Variants in CDH18 observed in about 807,000 individuals in gnomAD.
CDH18 encodes the protein cadherin 18.
CDH18 carries 31 observed loss-of-function variants against 67.9 expected under a neutral mutation model. That is an observed-to-expected ratio of 0.46 (90% CI 0.34 to 0.62). CDH18 has a LOEUF of 0.62. Among genes scored for constraint, CDH18 ranks in the 20% least tolerant of loss-of-function variants. The pLI is 0.01. For synonymous variants in CDH18, 362 were observed against 347.2 expected (o/e 1.04, Z -0.48); for missense variants, 890 against 975.5 (o/e 0.91, Z 1.17).
intron 10 of CDH18, among the ~76,000 whole-genome samples, chr5:19,512,840 A>G (rs923124583): frequency 6.6e-6 from 1 of 152,008 alleles, no homozygotes; most frequent in Admixed American, 6.6e-5. Context: ...TATTATATCT[A>G]TGATCGTGCA....
At chr5:20,470,139 A>T (rs2150237363) in intron 1 of CDH18, among the ~76,000 whole-genome samples, 1 of 152,274 alleles carries the variant, frequency 6.6e-6, no homozygotes, top group South Asian at 2.1e-4. Flanking sequence ...TGGGAAGTGC[A>T]TGTATTGATC....
At chr5:19,785,270 T>G (rs1413026308) in intron 3 of CDH18, among the ~76,000 whole-genome samples, 2 of 152,118 alleles carry the variant, frequency 1.3e-5, no homozygotes, top group Admixed American at 6.6e-5. Context: ...CTTTCAGGAC[T>G]GATCCATCAC....
At chr5:20,172,234 A>ACG (rs1736872759) in intron 2 of CDH18, among the ~76,000 whole-genome samples, 2 of 126,216 alleles carry the variant, frequency 1.6e-5, no homozygotes, top group South Asian at 2.4e-4. Flanking sequence ...GTATATATAT[A>ACG]TATATGTATA....
At chr5:20,167,766 T>C (rs1736405200) in intron 2 of CDH18, among the ~76,000 whole-genome samples, 1 of 152,130 alleles carries the variant, frequency 6.6e-6, no homozygotes, top group Non-Finnish European at 1.5e-5. Flanking sequence ...TAGAGTAGGA[T>C]ACATCAGTTA....
chr5:19,638,263 T>C (rs1753453118), intron 5 of CDH18, among the ~76,000 whole-genome samples: 1 of 152,232 alleles, frequency 6.6e-6, no homozygotes, highest in Non-Finnish European at 1.5e-5. Flanking sequence ...ACAGTGAGAC[T>C]ATAACTATCA....
At chr5:20,418,725 G>T (rs1747561751) in intron 1 of CDH18, among the ~76,000 whole-genome samples, 1 of 151,994 alleles carries the variant, frequency 6.6e-6, no homozygotes, top group African/African-American at 2.4e-5. Flanking sequence ...CGTATAAAAA[G>T]GGGTATTTGT....
chr5:20,084,387 A>G (rs1193601337), intron 2 of CDH18, among the ~76,000 whole-genome samples: 1 of 152,190 alleles, frequency 6.6e-6, no homozygotes, highest in Non-Finnish European at 1.5e-5. Flanking sequence ...TTTGCAGGGT[A>G]CAGCCTCTCT....
intron 4 of CDH18, among the ~76,000 whole-genome samples, chr5:19,734,429 T>C (rs775448198): frequency 6.6e-6 from 1 of 152,244 alleles, no homozygotes; most frequent in Non-Finnish European, 1.5e-5. Flanking sequence ...CCCTGTGATA[T>C]GGACGTTTTG....
chr5:20,452,337 G>A (rs1750512391), intron 1 of CDH18, among the ~76,000 whole-genome samples: 1 of 152,072 alleles, frequency 6.6e-6, no homozygotes, highest in Admixed American at 6.6e-5. Flanking sequence ...CTCATTAGAT[G>A]AGATGAGACT....
intron 2 of CDH18, among the ~76,000 whole-genome samples, chr5:20,012,644 C>A (rs542404722): frequency 6.6e-6 from 1 of 152,150 alleles, no homozygotes; most frequent in South Asian, 2.1e-4. Flanking sequence ...AATGGAAAAA[C>A]ATTCCATGAT....
At chr5:20,372,921 G>A (rs1472097964) in intron 1 of CDH18, among the ~76,000 whole-genome samples, 1 of 152,080 alleles carries the variant, frequency 6.6e-6, no homozygotes, top group African/African-American at 2.4e-5. Flanking sequence ...GAGATTTGGG[G>A]AAAGAAACTT....
intron 1 of CDH18, among the ~76,000 whole-genome samples, chr5:20,503,523 A>G (rs1754465311): frequency 6.6e-6 from 1 of 152,160 alleles, no homozygotes; most frequent in African/African-American, 2.4e-5. Flanking sequence ...CAAAGATAAA[A>G]CTTTTTAAAC....
intron 2 of CDH18, among the ~76,000 whole-genome samples, chr5:19,918,990 G>A (rs746164237): frequency 1.3e-5 from 2 of 152,042 alleles, no homozygotes; most frequent in Non-Finnish European, 1.5e-5. Flanking sequence ...AGATTAGAAC[G>A]TTCAGCCCCA....
chr5:20,128,637 T>G (rs748120643), intron 2 of CDH18, among the ~76,000 whole-genome samples: 2 of 152,142 alleles, frequency 1.3e-5, no homozygotes, highest in Non-Finnish European at 2.9e-5. Context: ...CAGGAACAGT[T>G]GAGTTTGTCA....
intron 1 of CDH18, among the ~76,000 whole-genome samples, chr5:20,511,465 G>GA (rs571702527): frequency 4.3e-4 from 65 of 151,766 alleles, no homozygotes; most frequent in African/African-American, 1.4e-3. Context: ...AATACTGGGA[G>GA]AAAAAAAAGT....
chr5:20,538,898 G>T lies in CDH18; in HGVS notation c.-580+36564C>A, dbSNP rs1448629284. Among the ~76,000 whole-genome samples the T allele has an allele frequency of 3.5e-3, 371 of 106,638 alleles. 7 individuals are homozygous for T. The highest frequency in any genetic ancestry group is 4.9e-3 in the Non-Finnish European group (271 of 55,096). The allele number at this position is 106,638 out of a possible 152,430, so 70.0% of individuals were successfully genotyped here. On this transcript the variant is annotated intron_variant, in intron 1 of 14. Transcript: ENST00000507958. ...TGGATATACATCCACATAGCCAACT[G>T]TTTTTTTTTTGTTTTTTTTTTTTTT...
chr5:20,404,234 A>G (rs1026757757), intron 1 of CDH18, among the ~76,000 whole-genome samples: 5 of 152,168 alleles, frequency 3.3e-5, no homozygotes, highest in African/African-American at 1.2e-4. Flanking sequence ...AACTTTCTTC[A>G]TATCAGCAAT....
intron 1 of CDH18, among the ~76,000 whole-genome samples, chr5:20,423,781 T>C (rs966474862): frequency 6.7e-6 from 1 of 149,328 alleles, no homozygotes; most frequent in Non-Finnish European, 1.5e-5. Context: ...ACGTCTCTAC[T>C]AAAAATACAA....
chr5:19,503,010 T>C lies in CDH18; in HGVS notation c.1612A>G (p.Thr538Ala), dbSNP rs762489629. ...TGTTCACCTTCATTGTCCTTCAGAG[T>C]GAAGTTTGGATTTACAGGCAGGCGT... ...DERLPVNPNF[T>A]LKDNEDNTAS... Residue 538 changes from threonine to alanine, a missense_variant, in exon 11 of 13, where the codon ACT (threonine) becomes GCT (alanine). This residue lies in a region of CDH18 where 656 missense variants were observed against 668.1 expected (regional missense o/e 0.98). Transcript: ENST00000382275. The C allele has an allele frequency of 6.9e-6, 11 of 1,600,958 alleles. No individual in the cohort carries two copies. Among genetic ancestry groups the C allele is most frequent in the Non-Finnish European group, 9.4e-6 (11 of 1,168,350 alleles).
Sources: gnomAD v4.1 joint callset for allele counts (sites outside exome capture counted in the v4.1 genomes callset) on GRCh38, gnomAD v4.1.1 for gene constraint, gnomAD v4.1.1 regional missense constraint, MANE v1.5 for transcripts, NCBI Gene and HGNC (gene_info 2026-07-23, HGNC 2026-07-21) for gene names.